The following PTPRO variants were observed in gnomAD, a reference collection of about 807,000 sequenced individuals.
PTPRO encodes protein tyrosine phosphatase receptor type O, also known as receptor-type tyrosine-protein phosphatase O.
PTPRO carries 62 observed loss-of-function variants against 145.2 expected under a neutral mutation model. The observed-to-expected ratio is 0.43, with a 90% CI of 0.35 to 0.53. The LOEUF (loss-of-function observed/expected upper bound fraction) is 0.53. Among genes scored for constraint, PTPRO ranks in the 20% least tolerant of loss-of-function variants. The pLI is 0.01. For synonymous variants in PTPRO, 565 were observed against 514.7 expected (o/e 1.10, Z -1.32); for missense variants, 1,345 against 1,482.7 (o/e 0.91, Z 1.53).
At chr12:15,580,572 A>G in intron 21 of PTPRO, 125 bp from the exon 22 acceptor site, 1 of 1,077,106 alleles carries the variant, frequency 9.3e-7, no homozygotes, top group Non-Finnish European at 1.4e-6. Flanking sequence ...AAAACATTAC[A>G]TAGGTGTGTG....
At chr12:15,584,607 T>G (rs1944392005) in intron 23 of PTPRO, among the ~76,000 whole-genome samples, 1 of 152,212 alleles carries the variant, frequency 6.6e-6, no homozygotes, top group Non-Finnish European at 1.5e-5. Context: ...AGGAATTTAC[T>G]TGTTACAAGC....
At chr12:15,474,148 C>G (rs1318119679) in intron 1 of PTPRO, among the ~76,000 whole-genome samples, 1 of 152,098 alleles carries the variant, frequency 6.6e-6, no homozygotes, top group Non-Finnish European at 1.5e-5. Flanking sequence ...CATATATAAA[C>G]AAATGAGCAC....
chr12:15,522,925 C>A (rs1942756685), intron 10 of PTPRO, among the ~76,000 whole-genome samples: 1 of 152,136 alleles, frequency 6.6e-6, no homozygotes, highest in African/African-American at 2.4e-5. Flanking sequence ...AGAAAATACC[C>A]TTTGAAGAAA....
chr12:15,338,428 C>T (rs984780270), intron 1 of PTPRO, among the ~76,000 whole-genome samples: 14 of 152,240 alleles, frequency 9.2e-5, no homozygotes, highest in African/African-American at 3.1e-4. Flanking sequence ...CACCTAGGAA[C>T]ATACACAAAA....
At chr12:15,475,126 C>T (rs1252661409) in intron 1 of PTPRO, among the ~76,000 whole-genome samples, 2 of 152,214 alleles carry the variant, frequency 1.3e-5, no homozygotes, top group African/African-American at 4.8e-5. Context: ...ACACATTAGA[C>T]ATGTATTTCT....
At chr12:15,431,131 A>G (rs1418686836) in intron 1 of PTPRO, among the ~76,000 whole-genome samples, 1 of 152,224 alleles carries the variant, frequency 6.6e-6, no homozygotes, top group African/African-American at 2.4e-5. Flanking sequence ...CCCAGGAACA[A>G]TCAGTTGGTC....
intron 17 of PTPRO, among the ~76,000 whole-genome samples, chr12:15,561,191 A>G (rs1222175172): frequency 6.6e-6 from 1 of 152,116 alleles, no homozygotes; most frequent in African/African-American, 2.4e-5. Context: ...ATAAATGTGG[A>G]CAACTTGAAA....
At chr12:15,409,722 G>A (rs1367686640) in intron 1 of PTPRO, among the ~76,000 whole-genome samples, 1 of 152,146 alleles carries the variant, frequency 6.6e-6, no homozygotes, top group African/African-American at 2.4e-5. Flanking sequence ...GGCGAGAGCA[G>A]GTGCAAGTGA....
intron 1 of PTPRO, among the ~76,000 whole-genome samples, chr12:15,423,200 C>T (rs1342223112): frequency 1.3e-5 from 2 of 152,138 alleles, no homozygotes; most frequent in Non-Finnish European, 2.9e-5. Flanking sequence ...TGCTGCAAAC[C>T]TCCCATAAAT....
At chr12:15,504,236 A>AAT (rs1942276429) in intron 6 of PTPRO, among the ~76,000 whole-genome samples, 167 bp downstream of exon 6, 2 of 152,194 alleles carry the variant, frequency 1.3e-5, no homozygotes, top group Admixed American at 6.5e-5. Flanking sequence ...AGAGGAAATG[A>AAT]ATGCTTGTTT....
chr12:15,598,143 A>C lies in PTPRO; in HGVS notation c.*2070A>C, dbSNP rs982767545. On this transcript the variant is annotated 3_prime_UTR_variant, in exon 27 of 27. Coordinates refer to ENST00000281171, the MANE Select transcript of PTPRO (RefSeq NM_030667.3). ...CCAAAAGGAAAGAGGAAGTATCCAG[A>C]GTTTAGACTGAAGGCTTAGAGTCAA... Among the ~76,000 whole-genome samples, 6 of 152,204 alleles carry C rather than the reference A, an allele frequency of 3.9e-5. No homozygotes were observed. Among genetic ancestry groups the C allele is most frequent in the African/African-American group, 1.4e-4 (6 of 41,448 alleles).
intron 19 of PTPRO, among the ~76,000 whole-genome samples, chr12:15,570,809 G>T (rs145453046): frequency 7.9e-4 from 120 of 152,228 alleles, no homozygotes; most frequent in African/African-American, 2.8e-3. Context: ...CCTTATTAAA[G>T]CCACATTTTC....
intron 1 of PTPRO, among the ~76,000 whole-genome samples, chr12:15,391,255 T>C (rs1939182695): frequency 6.6e-6 from 1 of 152,222 alleles, no homozygotes; most frequent in Admixed American, 6.5e-5. Flanking sequence ...TTCATTTAAG[T>C]CACAATCTCT....
intron 19 of PTPRO, among the ~76,000 whole-genome samples, chr12:15,570,571 C>CCATTGTATCCTGGAT (rs1486294476): frequency 6.6e-6 from 1 of 152,124 alleles, no homozygotes; most frequent in African/African-American, 2.4e-5. Context: ...AGAGCCTGCT[C>CCATTGTATCCTGGAT]ACTTATCCAT....
At chr12:15,356,384 T>A (rs1163678631) in intron 1 of PTPRO, among the ~76,000 whole-genome samples, 1 of 152,198 alleles carries the variant, frequency 6.6e-6, no homozygotes, top group African/African-American at 2.4e-5. Context: ...AATTCTGATT[T>A]TTTTCCCTAG....
intron 23 of PTPRO, among the ~76,000 whole-genome samples, chr12:15,583,496 C>CAAA (rs1555095994): frequency 6.7e-6 from 1 of 149,630 alleles, no homozygotes; most frequent in Non-Finnish European, 1.5e-5. Context: ...CACACACACA[C>CAAA]ACAAAAAAAA....
Position 15,322,700 on chromosome 12 carries a change from T to G in PTPRO, c.-27T>G. On this transcript the variant is annotated 5_prime_UTR_variant, in exon 1 of 27. Transcript: ENST00000281171. The surrounding 1 kb of genome is among the most constrained non-coding windows in gnomAD (Gnocchi z 6.3). Reference sequence around the variant, plus strand: ...CCGGGGGAGTCCGCTAGCGCAGCCGTGCCCCCGAGTCCCCGTCCGCGCAGC... The same window carrying G: ...CCGGGGGAGTCCGCTAGCGCAGCCGGGCCCCCGAGTCCCCGTCCGCGCAGC... 1 of 1,596,890 alleles carries G rather than the reference T, an allele frequency of 6.3e-7. No individual in the cohort carries two copies. The highest frequency in any genetic ancestry group is 8.6e-7 in the Non-Finnish European group (1 of 1,169,384).
chr12:15,403,286 A>G (rs1939550478), intron 1 of PTPRO, among the ~76,000 whole-genome samples: 1 of 152,094 alleles, frequency 6.6e-6, no homozygotes. Flanking sequence ...CAGACTCTCA[A>G]TAAAAATACT....
intron 4 of PTPRO, 108 bp downstream of exon 4, chr12:15,499,702 AATAT>A: frequency 1.1e-5 from 13 of 1,235,652 alleles, no homozygotes; most frequent in Non-Finnish European, 1.5e-5. Context: ...AAAGAAAGAA[AATAT>A]ATATGTTTAA....
Sources: gnomAD v4.1 joint callset for allele counts (sites outside exome capture counted in the v4.1 genomes callset) on GRCh38, gnomAD v4.1.1 for gene constraint, Gnocchi (gnomAD v3.1) non-coding constraint, MANE v1.5 for transcripts, NCBI Gene and HGNC (gene_info 2026-07-23, HGNC 2026-07-21) for gene names.